Variants in SYNE1 observed in about 807,000 individuals in gnomAD.
SYNE1 encodes the protein nesprin-1.
A neutral mutation model predicts 1,111.0 loss-of-function variants in SYNE1; 616 were observed. The ratio of observed to expected loss-of-function variants is 0.55; its 90% CI spans 0.52 to 0.59. The LOEUF (loss-of-function observed/expected upper bound fraction) is 0.59. SYNE1 is among the 20% of genes least tolerant of loss of function. The probability of loss-of-function intolerance (pLI) is 0.00; values close to 1 mark genes in which losing one functional copy is unlikely to be tolerated. For missense variants in SYNE1, 10,006 were observed against 10,417.0 expected, an observed-to-expected ratio of 0.96 and a Z score of 1.72; for synonymous variants, 3,855 against 3,825.8, an observed-to-expected ratio of 1.01 and a Z score of -0.28.
intron 72 of SYNE1, among the ~76,000 whole-genome samples, chr6:152,349,443 G>T (rs1280233260): frequency 6.6e-6 from 1 of 152,194 alleles, no homozygotes; most frequent in Admixed American, 6.5e-5. Context: ...ACTCAGATAG[G>T]CTAAGTTGTC....
At position 152,151,700 on chromosome 6, in the gene SYNE1, A is replaced by C. The variant is rs772532599; in HGVS notation, c.24313-10T>G. 6.2e-7 allele frequency: 1 copy of C among 1,613,472 alleles called. No individual in the cohort carries two copies. Among genetic ancestry groups the C allele is most frequent in the African/African-American group, 1.3e-5 (1 of 74,928 alleles). ...GCTGGCCAATAAAATGCTGGAAGGCAAGAGGAAAGTAGTAACAATTATTTT... is the reference window on the plus strand; with the variant it reads ...GCTGGCCAATAAAATGCTGGAAGGCCAGAGGAAAGTAGTAACAATTATTTT... On this transcript the variant is annotated splice_polypyrimidine_tract_variant and intron_variant, in intron 134 of 145. Coordinates refer to ENST00000367255, the MANE Select transcript of SYNE1 (RefSeq NM_182961.4).
At chr6:152,539,019 T>C (rs1293928436) in intron 4 of SYNE1, among the ~76,000 whole-genome samples, 1 of 152,198 alleles carries the variant, frequency 6.6e-6, no homozygotes, top group East Asian at 1.9e-4. Context: ...ATGCTTTGTT[T>C]GCTTCTGCGC....
chr6:152,272,537 A>C (rs2093289919), intron 98 of SYNE1, among the ~76,000 whole-genome samples: 1 of 152,220 alleles, frequency 6.6e-6, no homozygotes, highest in African/African-American at 2.4e-5. Context: ...AATGAATGAT[A>C]ATGTGTGAAA....
At chr6:152,309,257 C>T (rs191232422) in intron 90 of SYNE1, among the ~76,000 whole-genome samples, 1 of 152,198 alleles carries the variant, frequency 6.6e-6, no homozygotes, top group Admixed American at 6.5e-5. Context: ...GGTAGTTGAC[C>T]AAATGAGCCA....
At chr6:152,597,658 T>G (rs187427304) in intron 3 of SYNE1, among the ~76,000 whole-genome samples, 9 of 152,280 alleles carry the variant, frequency 5.9e-5, no homozygotes, top group Admixed American at 5.2e-4. Flanking sequence ...ATGTGACTAT[T>G]ATACAATTAT....
intron 41 of SYNE1, among the ~76,000 whole-genome samples, chr6:152,413,956 T>C (rs1261568724): frequency 6.6e-6 from 1 of 151,154 alleles, no homozygotes; most frequent in Non-Finnish European, 1.5e-5. Flanking sequence ...TTTCATTCAA[T>C]ATCAAATTAG....
At chr6:152,308,338 C>A in intron 91 of SYNE1, 151 bp downstream of exon 91, 1 of 1,087,102 alleles carries the variant, frequency 9.2e-7, no homozygotes, top group Admixed American at 2.2e-5. Context: ...ACGGCACTCA[C>A]AATGCTTAGA....
chr6:152,429,131 C>T (rs1056533328), intron 36 of SYNE1, among the ~76,000 whole-genome samples: 31 of 147,794 alleles, frequency 2.1e-4, no homozygotes, highest in African/African-American at 7.4e-4. Flanking sequence ...GACACAGTGC[C>T]TCAGAATGTG....
chr6:152,385,680 T>C lies in SYNE1; in HGVS notation c.8646A>G (p.Lys2882=), dbSNP rs766374406. 2 of 1,614,114 alleles carry C rather than the reference T, an allele frequency of 1.2e-6. No individual in the cohort carries two copies. The highest frequency in any genetic ancestry group is 1.7e-6 in the Non-Finnish European group (2 of 1,179,992). ...CATCTGTTCATTTCCTGACCTTAAT[T>C]TTTGATAACTTTTTCTGGGTGGCTG... The part of the protein sequence containing the change: ...DSSATQKKLS[K]IKELIDSREI... The change falls in exon 55 of 146, where the codon AAA becomes AAG. Residue 2882 remains lysine, a synonymous_variant. Transcript: ENST00000367255.
At chr6:152,317,862 C>A (rs1012687294) in intron 86 of SYNE1, among the ~76,000 whole-genome samples, 1 of 152,272 alleles carries the variant, frequency 6.6e-6, no homozygotes, top group African/African-American at 2.4e-5. Context: ...GTAGGACCAC[C>A]TTTGTCAGTG....
At chr6:152,278,853 C>T (rs1027287446) in intron 97 of SYNE1, among the ~76,000 whole-genome samples, 3 of 152,138 alleles carry the variant, frequency 2.0e-5, no homozygotes, top group African/African-American at 7.2e-5. Context: ...CTGCGGCCTC[C>T]ATCTACTGGG....
rs1164125974 is a variant in SYNE1, at chr6:152,376,830, C to T, written c.9092G>A (p.Arg3031Lys). 6.2e-7 allele frequency: 1 copy of T among 1,614,092 alleles called. No individual in the cohort carries two copies. Among genetic ancestry groups the T allele is most frequent in the Non-Finnish European group, 8.5e-7 (1 of 1,180,012 alleles). ...SQLNELCRFS[R>K]DLSTYSGKVS... is the part of the protein sequence containing the mutation. ...TTTTCCACTGTAGGTACTCAGGTCTCTGGAAAATCGACAAAGTTCATTCAG... is the reference window on the plus strand; with the variant it reads ...TTTTCCACTGTAGGTACTCAGGTCTTTGGAAAATCGACAAAGTTCATTCAG... Residue 3031 changes from arginine (R) to lysine (K), a missense_variant, in exon 57 of 146, where the codon AGA (arginine) becomes AAA (lysine). This residue lies in a region of SYNE1 where 4,955 missense variants were observed against 5,017.2 expected (regional missense o/e 0.99). Coordinates refer to ENST00000367255, the MANE Select transcript of SYNE1 (RefSeq NM_182961.4).
chr6:152,337,143 A>C, intron 75 of SYNE1, 126 bp from the exon 76 acceptor site: 1 of 851,228 alleles, frequency 1.2e-6, no homozygotes, highest in Non-Finnish European at 1.8e-6. Flanking sequence ...ACGCAAACTC[A>C]CACACACAAA....
At chr6:152,503,693 G>T (rs948976332) in intron 9 of SYNE1, among the ~76,000 whole-genome samples, 1 of 152,138 alleles carries the variant, frequency 6.6e-6, no homozygotes, top group Non-Finnish European at 1.5e-5. Flanking sequence ...AGGGTTTAAA[G>T]AGTGCTGCAA....
chr6:152,345,061 G>T (rs1364631112), intron 73 of SYNE1, among the ~76,000 whole-genome samples: 1 of 151,902 alleles, frequency 6.6e-6, no homozygotes, highest in Non-Finnish European at 1.5e-5. Context: ...TCTGACATTG[G>T]GTTTATCCCT....
rs375442949 is a variant in SYNE1, at chr6:152,140,272, T to C, written c.25247-111A>G. ...TTTTAAATAGCAACAGAAAGAAAAG[T>C]AATTCCACTGGGCATTTTCGTTGTT... On this transcript the variant is annotated intron_variant, in intron 139 of 145. Transcript: ENST00000367255. 55 of 1,051,306 alleles carry C rather than the reference T, an allele frequency of 5.2e-5. 1 individual carries two copies. Among genetic ancestry groups the C allele is most frequent in the East Asian group, 1.7e-4 (7 of 40,812 alleles). The allele number at this position is 1,051,306 out of a possible 1,614,324, so 65.1% of individuals were successfully genotyped here. A position where few individuals can be genotyped will look rare whatever the true frequency, so the allele number is the denominator to read the frequency against.
At chr6:152,176,366 G>A (rs747254325) in intron 130 of SYNE1, 28 bp downstream of exon 130, 43 of 1,613,508 alleles carry the variant, frequency 2.7e-5, no homozygotes, top group South Asian at 1.5e-4. Flanking sequence ...CTGCCCACAC[G>A]TGCCCTATTG....
Position 152,326,375 on chromosome 6 carries a change from C to T in SYNE1, c.15214G>A (p.Glu5072Lys). The change falls in exon 79 of 146, where the codon GAA becomes AAA. Residue 5072 changes from glutamate to lysine, a missense_variant. By Grantham distance (56) the Glu-to-Lys change is moderately conservative. Around this residue, in one of 7 missense-constraint regions of SYNE1, gnomAD observed 4,955 missense variants for 5,017.2 expected, o/e 0.99. Transcript: ENST00000367255. Reference sequence around the variant, plus strand: ...AGTTCCAGAGAAGCCACTTTCTGTTCTAGGTCTTCTTTGCCGGTTGGCTTG... The same window carrying T: ...AGTTCCAGAGAAGCCACTTTCTGTTTTAGGTCTTCTTTGCCGGTTGGCTTG... Reference protein sequence around the residue: ...LIKPTGKEDLEQKVASLELRS... With the variant: ...LIKPTGKEDLKQKVASLELRS... 6.2e-7 allele frequency: 1 copy of T among 1,614,192 alleles called. No individual in the cohort carries two copies. Among genetic ancestry groups the T allele is most frequent in the Non-Finnish European group, 8.5e-7 (1 of 1,180,042 alleles).
intron 3 of SYNE1, among the ~76,000 whole-genome samples, chr6:152,552,244 G>C (rs913313179): frequency 6.6e-6 from 1 of 152,148 alleles, no homozygotes; most frequent in Non-Finnish European, 1.5e-5. Context: ...TGTTCTCAGA[G>C]AGTGCTTTCA....
Sources: allele counts gnomAD v4.1 joint callset (sites outside exome capture counted in the v4.1 genomes callset), GRCh38; gene constraint gnomAD v4.1.1; regional missense constraint gnomAD v4.1.1; transcripts MANE v1.5; gene names NCBI Gene and HGNC (gene_info 2026-07-23, HGNC 2026-07-21).